TP73: variants seen among roughly 807,000 people sequenced by gnomAD.
The protein encoded by TP73 is tumor protein p73.
A neutral mutation model predicts 62.5 loss-of-function variants in TP73; 25 were observed. The ratio of observed to expected loss-of-function variants is 0.40; its 90% CI spans 0.29 to 0.56. TP73 has a LOEUF of 0.56. Ranked by LOEUF, TP73 falls within the 20% of genes least tolerant of loss-of-function variation. The pLI is 0.46. For synonymous variants in TP73, 423 were observed against 377.5 expected, an observed-to-expected ratio of 1.12 and a Z score of -1.40; for missense variants, 754 against 913.3, an observed-to-expected ratio of 0.83 and a Z score of 2.25.
intron 1 of TP73, among the ~76,000 whole-genome samples, chr1:3,681,935 C>T (rs148017864): frequency 6.6e-6 from 1 of 151,990 alleles, no homozygotes; most frequent in Non-Finnish European, 1.5e-5. Context: ...TCATAACAGA[C>T]CACAGGCCTC....
In TP73 at chr1:3,733,080, G is replaced by T. The variant is rs1459114996; in HGVS notation, c.*1G>T. The T allele has an allele frequency of 3.3e-6, 5 of 1,527,576 alleles. No homozygotes were observed. 94.6% of individuals were successfully genotyped at this position (1,527,576 alleles called of 1,614,324 possible). On this transcript the variant is annotated 3_prime_UTR_variant, in exon 14 of 14. Transcript: ENST00000378295. ...GTTCACGGAGGCCGAGATCCACTGA[G>T]GGCCTCGCCTGGCTGCAGCCTGCGC... is the stretch of plus-strand genomic sequence containing the variant.
rs867628354 is a variant in TP73 at position 3,696,011 on chromosome 1, C to T, written c.187-11538C>T. On this transcript the variant is annotated intron_variant, in intron 3 of 13. Transcript: ENST00000378295. The surrounding 1 kb of genome is among the most constrained non-coding windows in gnomAD (Gnocchi z 4.1). ...CAGGGGTGAAAACGCCGCGGTCGGC[C>T]GTGGCTGTGTTGGAGATGCCCGGCA... Among the ~76,000 whole-genome samples, 24 of 152,322 alleles carry T rather than the reference C, an allele frequency of 1.6e-4. No homozygotes were observed. The highest frequency in any genetic ancestry group is 8.3e-4 in the South Asian group (4 of 4,828).
intron 5 of TP73, among the ~76,000 whole-genome samples, chr1:3,722,698 G>C (rs1460472293): frequency 2.7e-5 from 3 of 111,646 alleles, no homozygotes; most frequent in Non-Finnish European, 4.9e-5. Context: ...ACAGGGGTGG[G>C]CACCTCTCTG....
At chr1:3,727,070 G>T (rs1242476749) in intron 6 of TP73, 45 bp from the exon 7 acceptor site, 1 of 1,557,600 alleles carries the variant, frequency 6.4e-7, no homozygotes, top group Non-Finnish European at 8.8e-7. Flanking sequence ...GTGGATTGGG[G>T]CTGCGTGCTG....
At chr1:3,692,186 C>T (rs780415862) in intron 3 of TP73, among the ~76,000 whole-genome samples, 1 of 151,960 alleles carries the variant, frequency 6.6e-6, no homozygotes, top group Admixed American at 6.6e-5. Context: ...TAGGTGCTCA[C>T]GTGTGTCCGT....
Position 3,696,213 on chromosome 1 carries a change from G to A in TP73, c.187-11336G>A, listed in dbSNP as rs1638643847. Among the ~76,000 whole-genome samples, 2 of 151,976 alleles carry A rather than the reference G, an allele frequency of 1.3e-5. No individual in the cohort carries two copies. Among genetic ancestry groups the A allele is most frequent in the East Asian group, 1.9e-4 (1 of 5,174 alleles). ...GGTGGGTGGTGGTCAGGCTTAGGGT[G>A]GAGTTTGAAGGTGACCTTAGAGGAA... is the stretch of plus-strand genomic sequence containing the variant. On this transcript the variant is annotated intron_variant, in intron 3 of 13. Coordinates refer to ENST00000378295, the MANE Select transcript of TP73 (RefSeq NM_005427.4). The surrounding 1 kb of genome is among the most constrained non-coding windows in gnomAD (Gnocchi z 4.1).
chr1:3,724,878 G>A (rs1641375909), intron 6 of TP73, among the ~76,000 whole-genome samples: 1 of 152,258 alleles, frequency 6.6e-6, no homozygotes, highest in Admixed American at 6.5e-5. Context: ...AGTTAGCCGA[G>A]CCTCGTGGCG....
At chr1:3,673,875 C>G (rs1426088622) in intron 1 of TP73, among the ~76,000 whole-genome samples, 1 of 152,080 alleles carries the variant, frequency 6.6e-6, no homozygotes, top group African/African-American at 2.4e-5. Flanking sequence ...TGTGGCTGTG[C>G]GGTGGGAACA....
chr1:3,690,661 G>T (rs1645792078), intron 3 of TP73: 1 of 1,404,450 alleles, frequency 7.1e-7, no homozygotes, highest in Non-Finnish European at 9.3e-7. Context: ...TGGGCCGCGG[G>T]TTTTGTTGTT....
intron 3 of TP73, among the ~76,000 whole-genome samples, chr1:3,691,144 C>T (rs576839998): frequency 2.6e-5 from 4 of 152,238 alleles, no homozygotes; most frequent in Admixed American, 2.6e-4. Context: ...GATTCGGGCT[C>T]CAACAGCCTG....
chr1:3,710,391 T>G (rs993018741), intron 4 of TP73, among the ~76,000 whole-genome samples: 1 of 152,082 alleles, frequency 6.6e-6, no homozygotes, highest in Non-Finnish European at 1.5e-5. Flanking sequence ...GGCAGGCAAG[T>G]GGTCGGCTCA....
chr1:3,691,241 C>T (rs1040020687), intron 3 of TP73, among the ~76,000 whole-genome samples: 2 of 152,072 alleles, frequency 1.3e-5, no homozygotes, highest in South Asian at 2.1e-4. Context: ...GCCTCGTGCT[C>T]GGGGGTCTCT....
intron 3 of TP73, among the ~76,000 whole-genome samples, chr1:3,705,122 A>G (rs773238082): frequency 2.0e-5 from 3 of 152,200 alleles, no homozygotes; most frequent in Non-Finnish European, 2.9e-5. Flanking sequence ...CTGCCGTCTC[A>G]GATTCCTGGG....
At chr1:3,661,831 CTATA>C (rs1381585371) in intron 1 of TP73, among the ~76,000 whole-genome samples, 3 of 145,462 alleles carry the variant, frequency 2.1e-5, no homozygotes, top group South Asian at 2.1e-4. Flanking sequence ...TATATACACG[CTATA>C]TATATAATAT....
Position 3,725,954 on chromosome 1 carries a change from GTGGA to G in TP73, c.733-1149_733-1146del, listed in dbSNP as rs1297909118. 6.2e-5 allele frequency among the ~76,000 whole-genome samples: 8 copies of G among 129,622 alleles called. No individual in the cohort carries two copies. The South Asian group carries it at 1.2e-3, about 19-fold the overall frequency. The allele number at this position is 129,622 out of a possible 152,430, so 85.0% of individuals were successfully genotyped here. On this transcript the variant is annotated intron_variant, in intron 6 of 13. Transcript: ENST00000378295. ...GATGGATGGACAGATAATGGGGGGA[GTGGA>G]TGGATGGATGGGGTGGATGGGTGGA... is the stretch of plus-strand genomic sequence containing the variant.
intron 3 of TP73, chr1:3,690,739 T>C (rs1166279259): frequency 1.6e-5 from 23 of 1,444,496 alleles, no homozygotes; most frequent in Non-Finnish European, 2.1e-5. Context: ...GGCCCGCATG[T>C]TCCCCAGCAT....
intron 4 of TP73, among the ~76,000 whole-genome samples, chr1:3,717,700 G>A (rs1640724517): frequency 6.6e-6 from 1 of 152,146 alleles, no homozygotes; most frequent in Non-Finnish European, 1.5e-5. Flanking sequence ...AGCTGGGGGA[G>A]CGCTGGAGCC....
rs746756541 is a variant in TP73, at chr1:3,672,927, G to A, written c.-33-9406G>A. Among the ~76,000 whole-genome samples the A allele has an allele frequency of 1.3e-5, 2 of 152,136 alleles. No individual in the cohort carries two copies. Among genetic ancestry groups the A allele is most frequent in the African/African-American group, 2.4e-5 (1 of 41,428 alleles). Reference sequence around the variant, plus strand: ...CCTCCTGACCCGCTTACCCCCAGGAGCACCGCCCACTCCAAGGCGCAAGCA... The same window carrying A: ...CCTCCTGACCCGCTTACCCCCAGGAACACCGCCCACTCCAAGGCGCAAGCA... On this transcript the variant is annotated intron_variant, in intron 1 of 13. Transcript: ENST00000378295. This position sits in a 1 kb window ranked among gnomAD's most constrained non-coding sequence, Gnocchi z 5.3.
intron 4 of TP73, among the ~76,000 whole-genome samples, chr1:3,718,133 C>A (rs1640760481): frequency 6.6e-6 from 1 of 152,226 alleles, no homozygotes; most frequent in Non-Finnish European, 1.5e-5. Flanking sequence ...TCCGAGCCCC[C>A]ACTTCCCGGG....
Sources: allele counts gnomAD v4.1 joint callset (sites outside exome capture counted in the v4.1 genomes callset), GRCh38; gene constraint gnomAD v4.1.1; non-coding constraint Gnocchi (gnomAD v3.1); transcripts MANE v1.5; gene names NCBI Gene and HGNC (gene_info 2026-07-23, HGNC 2026-07-21).